GTF3C1: variants seen among roughly 807,000 people sequenced by gnomAD.
GTF3C1 encodes the protein general transcription factor 3C polypeptide 1.
In GTF3C1, 57 loss-of-function variants were observed where a neutral mutation model predicts 226.7. That is an observed-to-expected ratio of 0.25 (90% CI 0.20 to 0.31). The LOEUF is 0.31. Among genes scored for constraint, GTF3C1 ranks in the 10% least tolerant of loss-of-function variants. GTF3C1 has a pLI of 1.00. For missense variants in GTF3C1, 2,217 were observed against 2,776.1 expected, an observed-to-expected ratio of 0.80 and a Z score of 4.53; for synonymous variants, 1,090 against 1,084.8, an observed-to-expected ratio of 1.00 and a Z score of -0.09.
Position 27,462,101 on chromosome 16 carries a change from G to C in GTF3C1, c.6117+193C>G. On this transcript the variant is annotated intron_variant, in intron 36 of 36. Coordinates refer to ENST00000356183, the MANE Select transcript of GTF3C1 (RefSeq NM_001520.4). This position sits in a 1 kb window ranked among gnomAD's most constrained non-coding sequence, Gnocchi z 4.5. ...CCCGGGCACCCCATCTTCCAGCCTG[G>C]TCAGCAGCATGGAGCTGGTGAAGGA... The C allele has an allele frequency of 5.1e-6, 3 of 589,632 alleles. No individual in the cohort carries two copies. In the South Asian group the frequency reaches 6.3e-5, roughly 12 times the overall value. The allele number at this position is 589,632 out of a possible 1,614,324, so 36.5% of individuals were successfully genotyped here. A position where few individuals can be genotyped will look rare whatever the true frequency, so the allele number is the denominator to read the frequency against.
At position 27,520,464 on chromosome 16, in the gene GTF3C1, C is replaced by T. The variant is rs115882758; in HGVS notation, c.973+8134G>A. Reference sequence around the variant, plus strand: ...ATGTTTTTTCTACTTCCCCCCACTCCAAGACTGACCACAAAATGGGATAAC... The same window carrying T: ...ATGTTTTTTCTACTTCCCCCCACTCTAAGACTGACCACAAAATGGGATAAC... On this transcript the variant is annotated intron_variant, in intron 6 of 36. Coordinates refer to ENST00000356183, the MANE Select transcript of GTF3C1 (RefSeq NM_001520.4). Among the ~76,000 whole-genome samples the T allele has an allele frequency of 7.0e-3, 1,058 of 152,002 alleles. 14 individuals carry two copies. Among genetic ancestry groups the T allele is most frequent in the African/African-American group, 0.024 (1,006 of 41,448 alleles).
At position 27,536,020 on chromosome 16, in the gene GTF3C1, G is replaced by C. The variant is rs1409534982; in HGVS notation, c.752+1764C>G. Among the ~76,000 whole-genome samples the C allele has an allele frequency of 5.3e-5, 8 of 152,314 alleles. No homozygotes were observed. The South Asian group carries it at 1.7e-3, about 32-fold the overall frequency. On this transcript the variant is annotated intron_variant, in intron 4 of 36. Transcript: ENST00000356183. Reference sequence around the variant, plus strand: ...TGACATTTCAAGAAAAAGTTAAATTGCTTGACATGTACTGTAGAGTGAGGT... The same window carrying C: ...TGACATTTCAAGAAAAAGTTAAATTCCTTGACATGTACTGTAGAGTGAGGT...
intron 12 of GTF3C1, among the ~76,000 whole-genome samples, chr16:27,499,420 A>G (rs1190659732): frequency 6.6e-6 from 1 of 152,100 alleles, no homozygotes; most frequent in African/African-American, 2.4e-5. Flanking sequence ...GTGGCAGGTG[A>G]GGACGGCCAG....
Position 27,488,756 on chromosome 16 carries a change from G to C in GTF3C1, c.3430-121C>G, listed in dbSNP as rs112114941. 5.6e-5 allele frequency: 46 copies of C among 820,878 alleles called. 1 individual carries two copies. Among genetic ancestry groups the C allele is most frequent in the African/African-American group, 4.9e-4 (29 of 58,902 alleles). 50.8% of individuals were successfully genotyped at this position (820,878 alleles called of 1,614,324 possible). ...AGGGCCGCTGTGCACTGACAGCCAG[G>C]GGCTGGAGTCTCCTGCCACCCGCTT... On this transcript the variant is annotated intron_variant, in intron 21 of 36. Coordinates refer to ENST00000356183, the MANE Select transcript of GTF3C1 (RefSeq NM_001520.4).
At chr16:27,489,255 G>C in intron 20 of GTF3C1, 77 bp from the exon 21 acceptor site, 1 of 1,506,320 alleles carries the variant, frequency 6.6e-7, no homozygotes. Context: ...ATGGGTTGAG[G>C]GACATTTATT....
chr16:27,529,475 T>C (rs953414240), intron 5 of GTF3C1, among the ~76,000 whole-genome samples: 3 of 151,606 alleles, frequency 2.0e-5, no homozygotes, highest in African/African-American at 7.3e-5. Context: ...AATTTAAATG[T>C]GGTCTCTGAA....
intron 23 of GTF3C1, among the ~76,000 whole-genome samples, chr16:27,487,264 C>G (rs528645478): frequency 6.6e-6 from 1 of 152,284 alleles, no homozygotes; most frequent in South Asian, 2.1e-4. Flanking sequence ...GTTATGAACG[C>G]CAGCCAAATA....
At chr16:27,543,254 C>T (rs1469221299) in intron 2 of GTF3C1, among the ~76,000 whole-genome samples, 1 of 152,128 alleles carries the variant, frequency 6.6e-6, no homozygotes, top group Admixed American at 6.6e-5. Context: ...GGCGTGGTGG[C>T]ATGCACCTGT....
Position 27,471,836 on chromosome 16 carries a change from G to A in GTF3C1, c.4438C>T (p.Arg1480Cys), listed in dbSNP as rs2087875490. 3.1e-6 allele frequency: 5 copies of A among 1,613,746 alleles called. No homozygotes were observed. The highest frequency in any genetic ancestry group is 2.2e-5 in the East Asian group (1 of 44,884). The change falls in exon 30 of 37, where the codon CGC becomes TGC. Residue 1480 changes from arginine to cysteine, a missense_variant. By Grantham distance (180) the Arg-to-Cys change is radical. This residue lies in a region of GTF3C1 where 546 missense variants were observed against 663.0 expected (regional missense o/e 0.82). Transcript: ENST00000356183. This position sits in a 1 kb window ranked among gnomAD's most constrained non-coding sequence, Gnocchi z 5.0. ...GGGCCCAGCGTGTGGTTGACCCGGC[G>A]CCGGTTGACCAAGCTCCTCTTCTGG... ...ECQKRSLVNR[R>C]RVNHTLGPKK...
intron 24 of GTF3C1, 135 bp downstream of exon 24, chr16:27,485,862 T>C (rs1171301049): frequency 1.4e-5 from 8 of 579,226 alleles, no homozygotes; most frequent in Non-Finnish European, 2.4e-5. Flanking sequence ...TGTAGGATTC[T>C]GGGCAATGCT....
Position 27,462,369 on chromosome 16 carries a change from A to G in GTF3C1, c.6042T>C (p.Pro2014=), listed in dbSNP as rs1300462644. The G allele has an allele frequency of 1.3e-6, 2 of 1,597,726 alleles. No individual in the cohort carries two copies. Among genetic ancestry groups the G allele is most frequent in the East Asian group, 4.6e-5 (2 of 43,878 alleles). The change falls in exon 36 of 37, where the codon CCT becomes CCC. Residue 2014 remains proline, a synonymous_variant. Coordinates refer to ENST00000356183, the MANE Select transcript of GTF3C1 (RefSeq NM_001520.4). The surrounding 1 kb of genome is among the most constrained non-coding windows in gnomAD (Gnocchi z 4.5). ...GCAGCAGGGAGCTCTCGGGGATGCC[A>G]GGCCTGGTCATGATGTGGTACAGCA... The part of the protein sequence containing the change: ...EAMLYHIMTR[P]GIPESSLLRH...
At position 27,488,567 on chromosome 16, in the gene GTF3C1, G is replaced by C; in HGVS notation, c.3498C>G (p.Pro1166=). The change falls in exon 22 of 37, where the codon CCC becomes CCG. Residue 1166 remains proline, a synonymous_variant. Transcript: ENST00000356183. ...CAGCACACGTACCTCTGGCACTGAG[G>C]GGCATTGGGCGCTTGGACAGAAATG... ...LQTFLSKRPM[P]LSARGNSRLN... is the part of the protein sequence containing the mutation. The C allele has an allele frequency of 6.2e-7, 1 of 1,613,874 alleles. No individual in the cohort carries two copies. Among genetic ancestry groups the C allele is most frequent in the Non-Finnish European group, 8.5e-7 (1 of 1,179,752 alleles).
intron 12 of GTF3C1, among the ~76,000 whole-genome samples, chr16:27,499,124 G>A (rs2088366235): frequency 6.6e-6 from 1 of 152,214 alleles, no homozygotes; most frequent in South Asian, 2.1e-4. Flanking sequence ...TGAGTCCTGA[G>A]GGCTTCCATC....
chr16:27,522,394 C>A (rs765107125), intron 6 of GTF3C1, among the ~76,000 whole-genome samples: 5 of 152,240 alleles, frequency 3.3e-5, no homozygotes, highest in Non-Finnish European at 5.9e-5. Flanking sequence ...GTCTTGGCAC[C>A]TTTGCCGAGA....
In GTF3C1 at chr16:27,506,833, C is replaced by T. The variant is rs765011621; in HGVS notation, c.1552+14G>A. 7 of 1,586,796 alleles carry T rather than the reference C, an allele frequency of 4.4e-6. No individual in the cohort carries two copies. In the East Asian group the frequency reaches 1.6e-4, roughly 36 times the overall value. ...CAGTGCACGCAGCCCCTGCCCACCC[C>T]ACGTGCTCCCTACCCTTGGTTGGGG... On this transcript the variant is annotated intron_variant, in intron 9 of 36. Transcript: ENST00000356183.
At chr16:27,538,641 C>A (rs2089036551) in intron 2 of GTF3C1, among the ~76,000 whole-genome samples, 2 of 152,178 alleles carry the variant, frequency 1.3e-5, no homozygotes, top group Admixed American at 1.3e-4. Context: ...AAATCCAACT[C>A]CTCATCCCAC....
Position 27,492,535 on chromosome 16 carries a change from A to T in GTF3C1, c.2974-20T>A. On this transcript the variant is annotated intron_variant, in intron 18 of 36. Coordinates refer to ENST00000356183, the MANE Select transcript of GTF3C1 (RefSeq NM_001520.4). This position sits in a 1 kb window ranked among gnomAD's most constrained non-coding sequence, Gnocchi z 5.0. ...AAAGACCTAAGGGGAGACACCAGACAGGGAGAACCCACATTGGGTCTGGCT... is the reference window on the plus strand; with the variant it reads ...AAAGACCTAAGGGGAGACACCAGACTGGGAGAACCCACATTGGGTCTGGCT... The T allele has an allele frequency of 6.2e-7, 1 of 1,601,412 alleles. No homozygotes were observed. The highest frequency in any genetic ancestry group is 1.1e-5 in the South Asian group (1 of 90,806).
In GTF3C1 at chr16:27,507,989, G is replaced by A. The variant is rs1418435005; in HGVS notation, c.1242+551C>T. Among the ~76,000 whole-genome samples, 5 of 152,232 alleles carry A rather than the reference G, an allele frequency of 3.3e-5. No homozygotes were observed. Among genetic ancestry groups the A allele is most frequent in the Admixed American group, 6.5e-5 (1 of 15,286 alleles). ...TGTCCCCATGTGGGAGTAGGCTCCC[G>A]GGGTGGCCACATCACCTTCTGACTA... On this transcript the variant is annotated intron_variant, in intron 8 of 36. Transcript: ENST00000356183. The surrounding 1 kb of genome is among the most constrained non-coding windows in gnomAD (Gnocchi z 4.9).
Position 27,464,641 on chromosome 16 carries a change from C to T in GTF3C1, c.5551G>A (p.Ala1851Thr), listed in dbSNP as rs920680662. Residue 1851 changes from alanine (A) to threonine (T), a missense_variant, in exon 34 of 37, where the codon GCA becomes ACA. Ala to Thr is a moderately conservative substitution (Grantham distance 58). Around this residue, in one of 12 missense-constraint regions of GTF3C1, gnomAD observed 455 missense variants for 441.9 expected, o/e 1.03. Transcript: ENST00000356183. ...SSEDSPPEGQ[A>T]PPSHSPRGTK... Reference sequence around the variant, plus strand: ...CCCCGGGGGCTGTGAGAAGGAGGTGCCTGCCCCTCGGGGGGGCTGTCCTCA... The same window carrying T: ...CCCCGGGGGCTGTGAGAAGGAGGTGTCTGCCCCTCGGGGGGGCTGTCCTCA... The T allele has an allele frequency of 2.8e-5, 42 of 1,514,070 alleles. No individual in the cohort carries two copies. Among genetic ancestry groups the T allele is most frequent in the Non-Finnish European group, 3.4e-5 (39 of 1,133,262 alleles). 93.8% of individuals were successfully genotyped at this position (1,514,070 alleles called of 1,614,324 possible).
Sources: gnomAD v4.1 joint callset for allele counts (sites outside exome capture counted in the v4.1 genomes callset) on GRCh38, gnomAD v4.1.1 for gene constraint, gnomAD v4.1.1 regional missense constraint, Gnocchi (gnomAD v3.1) non-coding constraint, MANE v1.5 for transcripts, NCBI Gene and HGNC (gene_info 2026-07-23, HGNC 2026-07-21) for gene names.